Variants in ALX3 observed in about 807,000 individuals in gnomAD.
ALX3 encodes ALX homeobox 3, also known as homeobox protein aristaless-like 3.
Under a neutral mutation model 26.3 loss-of-function variants are expected in ALX3, and 17 were observed. That is an observed-to-expected ratio of 0.65 (90% CI 0.44 to 0.97). The LOEUF is 0.97. Among genes scored for constraint, ALX3 ranks in the 50% least tolerant of loss-of-function variants. The pLI is 0.00. For synonymous variants in ALX3, 208 were observed against 201.4 expected (o/e 1.03, Z -0.28); for missense variants, 461 against 466.5 (o/e 0.99, Z 0.11).
At chr1:110,062,646 G>GTGTGTGTGCGCGCGC in intron 2 of ALX3, 1 of 126,238 alleles carries the variant, frequency 7.9e-6, no homozygotes, top group African/African-American at 2.8e-5. Flanking sequence ...TGTGTGTGTG[G>GTGTGTGTGCGCGCGC]AGTAATCCGT....
At chr1:110,069,814 G>T (rs3768471) in intron 1 of ALX3, among the ~76,000 whole-genome samples, 1 of 152,116 alleles carries the variant, frequency 6.6e-6, no homozygotes, top group Non-Finnish European at 1.5e-5. Context: ...TAGGCCCGGG[G>T]AGGAGAGACG....
intron 1 of ALX3, among the ~76,000 whole-genome samples, chr1:110,069,031 C>T (rs1653856442): frequency 6.6e-6 from 1 of 152,218 alleles, no homozygotes; most frequent in Non-Finnish European, 1.5e-5. Context: ...CGACGCGGAG[C>T]GCTGAGCCAG....
intron 3 of ALX3, 191 bp downstream of exon 3, chr1:110,061,242 TTC>T: frequency 9.0e-7 from 1 of 1,111,814 alleles, no homozygotes; most frequent in Non-Finnish European, 1.3e-6. Context: ...CGAAATTTTC[TTC>T]TGTGATTCCT....
Position 110,070,502 on chromosome 1 carries a change from G to C in ALX3, c.111C>G (p.His37Gln), listed in dbSNP as rs1348399808. 2.0e-5 allele frequency: 26 copies of C among 1,280,190 alleles called. No individual in the cohort carries two copies. Among genetic ancestry groups the C allele is most frequent in the Non-Finnish European group, 2.5e-5 (25 of 1,014,370 alleles). The allele number at this position is 1,280,190 out of a possible 1,614,324, so 79.3% of individuals were successfully genotyped here. The change falls in exon 1 of 4, where the codon CAC (histidine) becomes CAG (glutamine). Residue 37 changes from histidine to glutamine, a missense_variant. Physicochemically the swap from His to Gln is conservative, Grantham distance 24. Transcript: ENST00000647563. ...GGCCGCGGGGCGGCGCGGGGTGCAG[G>C]TGAGGCGCAGCGGCGGGGGTTCCCT... ...GPQGTPAAAP[H>Q]LHPAPPRGPR...
Position 110,064,657 on chromosome 1 carries a change from G to A in ALX3, c.524C>T (p.Thr175Ile), listed in dbSNP as rs1209517534. 1.2e-6 allele frequency: 2 copies of A among 1,614,216 alleles called. No individual in the cohort carries two copies. Among genetic ancestry groups the A allele is most frequent in the East Asian group, 4.5e-5 (2 of 44,884 alleles). The change falls in exon 2 of 4, where the codon ACC becomes ATC. Residue 175 changes from threonine to isoleucine, a missense_variant. This residue lies in a region of ALX3 where 51 missense variants were observed against 82.4 expected (regional missense o/e 0.62). Transcript: ENST00000647563. ...LEELEKVFQKTHYPDVYAREQ... is the reference protein window; with the variant it reads ...LEELEKVFQKIHYPDVYAREQ... The stretch of plus-strand genomic sequence containing the variant: ...CCGGGCATACACATCAGGATAGTGG[G>A]TTTTCTGGAAGACCTTCTCCAGCTC...
chr1:110,069,665 C>T (rs1653872573), intron 1 of ALX3, among the ~76,000 whole-genome samples: 1 of 152,246 alleles, frequency 6.6e-6, no homozygotes. Flanking sequence ...TATCATAGTG[C>T]ATAACGGCAG....
intron 1 of ALX3, among the ~76,000 whole-genome samples, chr1:110,067,707 C>T (rs658381): frequency 2.1e-3 from 315 of 152,362 alleles, no homozygotes; most frequent in African/African-American, 6.6e-3. Flanking sequence ...CTGTTTCCTC[C>T]GGCCACTGTG....
Position 110,070,636 on chromosome 1 carries a change from C to T in ALX3, c.-24G>A, listed in dbSNP as rs1557804992. 7.5e-6 allele frequency: 9 copies of T among 1,204,116 alleles called. No individual in the cohort carries two copies. Among genetic ancestry groups the T allele is most frequent in the Non-Finnish European group, 8.2e-6 (8 of 971,214 alleles). 74.6% of individuals were successfully genotyped at this position (1,204,116 alleles called of 1,614,324 possible). ...ATGCCGGCTCAGGGCGCACAGGCCT[C>T]CGGGGCTCCGGGGCTCGCGCTGCCC... On this transcript the variant is annotated 5_prime_UTR_variant, in exon 1 of 4. Coordinates refer to ENST00000647563, the MANE Select transcript of ALX3 (RefSeq NM_006492.3).
chr1:110,068,341 G>A (rs917789548), intron 1 of ALX3, among the ~76,000 whole-genome samples: 6 of 152,238 alleles, frequency 3.9e-5, no homozygotes, highest in Admixed American at 3.9e-4. Flanking sequence ...GCGGCCCTGG[G>A]GGCTGACTGT....
chr1:110,066,117 G>A (rs556682261), intron 1 of ALX3, among the ~76,000 whole-genome samples: 1 of 152,376 alleles, frequency 6.6e-6, no homozygotes, highest in African/African-American at 2.4e-5. Context: ...CACAGCTGTG[G>A]TTGGGGGAGG....
rs778668892 is a variant in ALX3 at position 110,064,584 on chromosome 1, C to T, written c.594+3G>A. 16 of 1,613,884 alleles carry T rather than the reference C, an allele frequency of 9.9e-6. No homozygotes were observed. In the East Asian group the frequency reaches 3.3e-4, roughly 34 times the overall value. On this transcript the variant is annotated splice_donor_region_variant and intron_variant, in intron 2 of 3. Coordinates refer to ENST00000647563, the MANE Select transcript of ALX3 (RefSeq NM_006492.3). Reference sequence around the variant, plus strand: ...GAGAGCCCCATCCTTGCAGTGCCCTCACCTGTACCCGGGCCTCAGTCAGGT... The same window carrying T: ...GAGAGCCCCATCCTTGCAGTGCCCTTACCTGTACCCGGGCCTCAGTCAGGT...
rs57279963 is a variant in ALX3, at chr1:110,062,645, G to GTGTGTGTGTGTGTGTGTGTGT, written c.595-1083_595-1082insACACACACACACACACACACA. ...TGTGTGTGTGTGTGTGTGTGTGTGT[G>GTGTGTGTGTGTGTGTGTGTGT]GAGTAATCCGTCTACCCCAGCTGGG... On this transcript the variant is annotated intron_variant, in intron 2 of 3. Coordinates refer to ENST00000647563, the MANE Select transcript of ALX3 (RefSeq NM_006492.3). The GTGTGTGTGTGTGTGTGTGTGT allele has an allele frequency of 2.0e-4, 26 of 132,390 alleles. 1 individual carries two copies. Among genetic ancestry groups the GTGTGTGTGTGTGTGTGTGTGT allele is most frequent in the Admixed American group, 6.6e-4 (8 of 12,208 alleles). 8.2% of individuals were successfully genotyped at this position (132,390 alleles called of 1,614,324 possible).
chr1:110,061,032 A>T lies in ALX3; in HGVS notation c.733T>A (p.Ser245Thr). 6.2e-7 allele frequency: 1 copy of T among 1,608,138 alleles called. No individual in the cohort carries two copies. The highest frequency in any genetic ancestry group is 8.5e-7 in the Non-Finnish European group (1 of 1,178,078). The change falls in exon 4 of 4, where the codon TCC becomes ACC. Residue 245 changes from serine (S) to threonine (T), a missense_variant. By Grantham distance (58) the Ser-to-Thr change is moderately conservative. Around this residue, in one of 3 missense-constraint regions of ALX3, gnomAD observed 169 missense variants for 178.0 expected, o/e 0.95. Transcript: ENST00000647563. Reference sequence around the variant, plus strand: ...CCAGATCCTGGACTGGCCCACAGGGAGTTCTGCAGCTGAAAAGAGAGGGAA... The same window carrying T: ...CCAGATCCTGGACTGGCCCACAGGGTGTTCTGCAGCTGAAAAGAGAGGGAA... ...RTDSHPQLQN[S>T]LWASPGSGSP...
chr1:110,066,598 C>G (rs1461342921), intron 1 of ALX3, among the ~76,000 whole-genome samples: 1 of 150,336 alleles, frequency 6.7e-6, no homozygotes, highest in Non-Finnish European at 1.5e-5. Flanking sequence ...CCGCCACCCC[C>G]ACCACATGCA....
intron 1 of ALX3, among the ~76,000 whole-genome samples, chr1:110,067,690 C>T (rs1653821603): frequency 6.6e-6 from 1 of 152,254 alleles, no homozygotes; most frequent in Non-Finnish European, 1.5e-5. Flanking sequence ...CCTTGTCCCG[C>T]GCCGCACTGT....
intron 1 of ALX3, 101 bp from the exon 2 acceptor site, chr1:110,065,004 C>T (rs1653749518): frequency 1.7e-6 from 2 of 1,203,756 alleles, no homozygotes; most frequent in Admixed American, 5.6e-5. Context: ...CAGTCTCCGC[C>T]TCCCCCTTCC....
chr1:110,068,849 C>T (rs1024407298), intron 1 of ALX3, among the ~76,000 whole-genome samples: 1 of 152,206 alleles, frequency 6.6e-6, no homozygotes, highest in African/African-American at 2.4e-5. Flanking sequence ...ATTTCGTTGT[C>T]AAGGCCACCC....
chr1:110,070,595 G>C lies in ALX3; in HGVS notation c.18C>G (p.Cys6Trp), dbSNP rs1179137128. The C allele has an allele frequency of 1.6e-6, 2 of 1,286,790 alleles. No homozygotes were observed. The highest frequency in any genetic ancestry group is 2.0e-6 in the Non-Finnish European group (2 of 1,015,532). The allele number at this position is 1,286,790 out of a possible 1,614,324, so 79.7% of individuals were successfully genotyped here. Residue 6 changes from cysteine to tryptophan, a missense_variant, in exon 1 of 4, where the codon TGC becomes TGG. Physicochemically the swap from Cys to Trp is radical, Grantham distance 215. Around this residue, in one of 3 missense-constraint regions of ALX3, gnomAD observed 241 missense variants for 206.1 expected, o/e 1.17. Coordinates refer to ENST00000647563, the MANE Select transcript of ALX3 (RefSeq NM_006492.3). Reference sequence around the variant, plus strand: ...GTGCAGGCCCCACGCGGAAAGGCGCGCAGTGCTCGGGGTCCATGCCGGCTC... The same window carrying C: ...GTGCAGGCCCCACGCGGAAAGGCGCCCAGTGCTCGGGGTCCATGCCGGCTC... Reference protein sequence around the residue: MDPEHCAPFRVGPAPG... With the variant: MDPEHWAPFRVGPAPG...
intron 1 of ALX3, among the ~76,000 whole-genome samples, chr1:110,069,346 G>A (rs529933539): frequency 2.6e-5 from 4 of 152,230 alleles, no homozygotes; most frequent in African/African-American, 9.6e-5. Flanking sequence ...GGGTTGAGGC[G>A]GATCTTGGAG....
Sources: allele counts gnomAD v4.1 joint callset (sites outside exome capture counted in the v4.1 genomes callset), GRCh38; gene constraint gnomAD v4.1.1; regional missense constraint gnomAD v4.1.1; transcripts MANE v1.5; gene names NCBI Gene and HGNC (gene_info 2026-07-23, HGNC 2026-07-21).